CCDC178: variants seen among roughly 807,000 people sequenced by gnomAD.
CCDC178 encodes the protein coiled-coil domain-containing protein 178.
Under a neutral mutation model 117.4 loss-of-function variants are expected in CCDC178, and 126 were observed. That is an observed-to-expected ratio of 1.07 (90% CI 0.93 to 1.24). The LOEUF is 1.24. Ranked by LOEUF, CCDC178 falls within the 50% of genes most tolerant of loss-of-function variation. The probability of loss-of-function intolerance (pLI) is 0.00; values close to 1 mark genes in which losing one functional copy is unlikely to be tolerated. For synonymous variants in CCDC178, 283 were observed against 313.4 expected (o/e 0.90, Z 1.02); for missense variants, 1,030 against 986.9 (o/e 1.04, Z -0.59).
At chr18:33,136,872 G>C (rs543757569) in intron 20 of CCDC178, among the ~76,000 whole-genome samples, 1 of 152,246 alleles carries the variant, frequency 6.6e-6, no homozygotes, top group African/African-American at 2.4e-5. Flanking sequence ...AATTATCTAT[G>C]TGATCTATTT....
At chr18:33,031,016 G>A (rs184180344) in intron 21 of CCDC178, among the ~76,000 whole-genome samples, 182 of 152,180 alleles carry the variant, frequency 1.2e-3, no homozygotes, top group Non-Finnish European at 2.2e-3. Context: ...GGGCATTGGT[G>A]TTAAGTCCTG....
rs457896 is a variant in CCDC178, at chr18:33,224,794, A to T, written c.1799T>A (p.Leu600His). 51 of 1,531,820 alleles carry T rather than the reference A, an allele frequency of 3.3e-5. No individual in the cohort carries two copies. The highest frequency in any genetic ancestry group is 3.6e-5 in the Non-Finnish European group (41 of 1,138,892). The allele number at this position is 1,531,820 out of a possible 1,614,324, so 94.9% of individuals were successfully genotyped here. A position where few individuals can be genotyped will look rare whatever the true frequency, so the allele number is the denominator to read the frequency against. Residue 600 changes from leucine (L) to histidine (H), a missense_variant, in exon 17 of 23, where the codon CTC becomes CAC. By Grantham distance (99) the Leu-to-His change is moderately conservative. Transcript: ENST00000383096. Reference sequence around the variant, plus strand: ...GCTTACAACAGAATGTTCTTTGTCGAGACTTCTGATTCTTTCAGCTTCATC... The same window carrying T: ...GCTTACAACAGAATGTTCTTTGTCGTGACTTCTGATTCTTTCAGCTTCATC... ...LEDEAERIRS[L>H]DKEHSVMLNN... is the part of the protein sequence containing the mutation.
chr18:33,194,558 T>C (rs115358128), intron 20 of CCDC178, among the ~76,000 whole-genome samples: 1 of 152,276 alleles, frequency 6.6e-6, no homozygotes, highest in African/African-American at 2.4e-5. Context: ...TTTTCCCCCA[T>C]CCAATAAAAC....
At chr18:33,330,768 G>A (rs1169418357) in intron 10 of CCDC178, among the ~76,000 whole-genome samples, 1 of 152,116 alleles carries the variant, frequency 6.6e-6, no homozygotes, top group Non-Finnish European at 1.5e-5. Flanking sequence ...GTGCTTACAG[G>A]ATTCCTTCTT....
chr18:33,042,229 T>G (rs1052786574), intron 21 of CCDC178, among the ~76,000 whole-genome samples: 13 of 152,012 alleles, frequency 8.6e-5, no homozygotes, highest in African/African-American at 3.1e-4. Flanking sequence ...TTGAAGAAAT[T>G]ATCAAACATG....
chr18:33,164,601 A>C (rs980000697), intron 20 of CCDC178, among the ~76,000 whole-genome samples: 1 of 132,424 alleles, frequency 7.6e-6, no homozygotes, highest in Admixed American at 7.5e-5. Flanking sequence ...TTCCCTAGCA[A>C]AAAAAAAAAA....
chr18:33,300,796 C>A, intron 11 of CCDC178, among the ~76,000 whole-genome samples: 1 of 152,064 alleles, frequency 6.6e-6, no homozygotes, highest in East Asian at 1.9e-4. Flanking sequence ...TATATGGGAG[C>A]AAATGAATGA....
chr18:33,022,802 G>T (rs1439199590), intron 21 of CCDC178, among the ~76,000 whole-genome samples: 2 of 152,058 alleles, frequency 1.3e-5, no homozygotes, highest in African/African-American at 2.4e-5. Flanking sequence ...TAGCAGAGCA[G>T]ATTAAAAAGA....
chr18:33,008,799 A>AT (rs1249178584), intron 21 of CCDC178, among the ~76,000 whole-genome samples: 1 of 152,014 alleles, frequency 6.6e-6, no homozygotes, highest in African/African-American at 2.4e-5. Context: ...TAGTCTAATG[A>AT]TTGCCAACAT....
intron 9 of CCDC178, among the ~76,000 whole-genome samples, chr18:33,344,148 C>CAAA (rs1258858650): frequency 6.8e-6 from 1 of 147,446 alleles, no homozygotes; most frequent in Non-Finnish European, 1.5e-5. Flanking sequence ...ACTAAAAATA[C>CAAA]AAAAAATTAG....
chr18:33,069,285 CA>C (rs1233310648), intron 21 of CCDC178, among the ~76,000 whole-genome samples: 2 of 152,010 alleles, frequency 1.3e-5, no homozygotes, highest in Non-Finnish European at 2.9e-5. Context: ...AAGTATACTA[CA>C]AAGCTGTAGT....
At chr18:33,379,914 T>A (rs1298007154) in intron 5 of CCDC178, among the ~76,000 whole-genome samples, 1 of 152,130 alleles carries the variant, frequency 6.6e-6, no homozygotes, top group Non-Finnish European at 1.5e-5. Flanking sequence ...AGGCTGCTAA[T>A]CCAGGTGAGG....
chr18:33,318,107 A>G (rs1053089959), intron 11 of CCDC178, among the ~76,000 whole-genome samples: 4 of 152,074 alleles, frequency 2.6e-5, no homozygotes, highest in Non-Finnish European at 5.9e-5. Context: ...TTAATGTCCA[A>G]CCTCCTCATT....
chr18:33,072,951 A>C (rs1301641794), intron 21 of CCDC178, among the ~76,000 whole-genome samples: 1 of 152,098 alleles, frequency 6.6e-6, no homozygotes, highest in Non-Finnish European at 1.5e-5. Context: ...ATTATAGTAT[A>C]AAGTATTTAC....
chr18:33,177,652 T>C (rs1410043284), intron 20 of CCDC178, among the ~76,000 whole-genome samples: 4 of 152,200 alleles, frequency 2.6e-5, no homozygotes, highest in Non-Finnish European at 4.4e-5. Flanking sequence ...TCCCTCTTTC[T>C]AACACAATCT....
At chr18:33,115,829 A>G (rs898690620) in intron 20 of CCDC178, among the ~76,000 whole-genome samples, 1 of 152,030 alleles carries the variant, frequency 6.6e-6, no homozygotes, top group Non-Finnish European at 1.5e-5. Context: ...TTTCTCTGAA[A>G]GGAATCTGCT....
chr18:33,045,737 G>A (rs369193347), intron 21 of CCDC178, among the ~76,000 whole-genome samples: 6 of 152,084 alleles, frequency 3.9e-5, no homozygotes, highest in Non-Finnish European at 5.9e-5. Context: ...CATTGCAGGC[G>A]TAGCTTAGTA....
intron 5 of CCDC178, among the ~76,000 whole-genome samples, chr18:33,377,186 T>A (rs933857413): frequency 6.6e-6 from 1 of 152,236 alleles, no homozygotes; most frequent in Admixed American, 6.5e-5. Flanking sequence ...TTCATTTGCA[T>A]TTCTCTAATG....
intron 2 of CCDC178, among the ~76,000 whole-genome samples, chr18:33,433,321 A>C (rs1332818286): frequency 6.6e-6 from 1 of 152,194 alleles, no homozygotes; most frequent in Non-Finnish European, 1.5e-5. Context: ...AATACAAAGC[A>C]TATGTTGCTA....
Sources: gnomAD v4.1 joint callset for allele counts (sites outside exome capture counted in the v4.1 genomes callset) on GRCh38, gnomAD v4.1.1 for gene constraint, MANE v1.5 for transcripts, NCBI Gene and HGNC (gene_info 2026-07-23, HGNC 2026-07-21) for gene names.